The following HS6ST2 variants were observed in gnomAD, a reference collection of about 807,000 sequenced individuals.
The protein encoded by HS6ST2 is heparan-sulfate 6-O-sulfotransferase 2.
In HS6ST2, 17 loss-of-function variants were observed where a neutral mutation model predicts 33.0. That is an observed-to-expected ratio of 0.52 (90% CI 0.35 to 0.77). The LOEUF is 0.77. HS6ST2 is among the 30% of genes least tolerant of loss of function. HS6ST2 has a pLI of 0.01. For missense variants in HS6ST2, 519 were observed against 551.7 expected (o/e 0.94, Z 0.59); for synonymous variants, 248 against 237.1 (o/e 1.05, Z -0.42).
chrX:132,780,381 C>G (rs2065007202), intron 2 of HS6ST2, among the ~76,000 whole-genome samples: 1 of 111,057 alleles, frequency 9.0e-6, no homozygotes, highest in East Asian at 2.8e-4. Flanking sequence ...CGCATAATAG[C>G]TACCATTTAT....
intron 2 of HS6ST2, among the ~76,000 whole-genome samples, chrX:132,896,544 T>C (rs953468005): frequency 9.0e-6 from 1 of 111,032 alleles, no homozygotes; most frequent in Non-Finnish European, 1.9e-5. Flanking sequence ...CAATAATAAC[T>C]TAAATGCACA....
chrX:132,841,618 T>A (rs773223887), intron 2 of HS6ST2, among the ~76,000 whole-genome samples: 1 of 111,711 alleles, frequency 9.0e-6, no homozygotes, highest in Non-Finnish European at 1.9e-5. Flanking sequence ...TGAGCTACCA[T>A]ATAAAATGGG....
chrX:132,842,729 G>T (rs770752667), intron 2 of HS6ST2, among the ~76,000 whole-genome samples: 26 of 111,583 alleles, frequency 2.3e-4, no homozygotes, highest in African/African-American at 7.8e-4. Context: ...ATAGATCCTG[G>T]TGACTCTATT....
In HS6ST2 at chrX:132,653,205, G is replaced by C. The variant is rs141099300; in HGVS notation, c.1067+15908C>G. On this transcript the variant is annotated intron_variant, in intron 4 of 4. Transcript: ENST00000370833. ...TATTAGGGGAAAACTCCACTTTTCT[G>C]CTTTCTGCAAAGCAGCTCTAGGTTT... Among the ~76,000 whole-genome samples the C allele has an allele frequency of 3.9e-3, 430 of 111,524 alleles. 4 individuals carry two copies. The highest frequency in any genetic ancestry group is 0.013 in the African/African-American group (409 of 30,731).
At chrX:132,828,691 T>TACAC (rs2065552086) in intron 2 of HS6ST2, among the ~76,000 whole-genome samples, 1 of 56,328 alleles carries the variant, frequency 1.8e-5, no homozygotes, top group African/African-American at 8.2e-5. Context: ...TATATATATA[T>TACAC]ATACACACAC....
At chrX:132,630,301 C>T (rs1315713755) in intron 4 of HS6ST2, among the ~76,000 whole-genome samples, 2 of 112,319 alleles carry the variant, frequency 1.8e-5, no homozygotes, top group Non-Finnish European at 3.8e-5. Flanking sequence ...TATTCATTCC[C>T]ATCTGAGGGA....
chrX:132,810,913 G>A (rs961269200), intron 2 of HS6ST2, among the ~76,000 whole-genome samples: 1 of 112,385 alleles, frequency 8.9e-6, no homozygotes, highest in African/African-American at 3.2e-5. Context: ...TGGCCCAGAT[G>A]AGCAGAACCA....
At position 132,957,043 on chromosome X, in the gene HS6ST2, C is replaced by G. The variant is rs867456785; in HGVS notation, c.712G>C (p.Gly238Arg). 1.7e-6 allele frequency: 2 copies of G among 1,210,505 alleles called. No homozygotes were observed. The highest frequency in any genetic ancestry group is 2.2e-6 in the Non-Finnish European group (2 of 895,241). ...LIVFLHIQKTGGTTFGRHLVR... is the reference protein window; with the variant it reads ...LIVFLHIQKTRGTTFGRHLVR... ...AAGTGGCGGCCGAAAGTGGTGCCCC[C>G]GGTCTTCTGGATGTGCAGGAACACG... Residue 238 changes from glycine (G) to arginine (R), a missense_variant, in exon 2 of 5, where the codon GGG becomes CGG. Coordinates refer to ENST00000370833, the MANE Select transcript of HS6ST2 (RefSeq NM_001394073.1).
At chrX:132,914,271 T>C (rs1241953318) in intron 2 of HS6ST2, among the ~76,000 whole-genome samples, 1 of 112,343 alleles carries the variant, frequency 8.9e-6, no homozygotes, top group Non-Finnish European at 1.9e-5. Context: ...ATCATCATTT[T>C]ATTAAACCCA....
At chrX:132,656,460 ATTT>A (rs1375836675) in intron 4 of HS6ST2, among the ~76,000 whole-genome samples, 1 of 110,576 alleles carries the variant, frequency 9.0e-6, no homozygotes, top group Non-Finnish European at 1.9e-5. Flanking sequence ...TTATTTATTT[ATTT>A]TTATTTCAAT....
chrX:132,672,726 G>A (rs1388131612), intron 3 of HS6ST2, among the ~76,000 whole-genome samples: 1 of 112,177 alleles, frequency 8.9e-6, no homozygotes, highest in African/African-American at 3.2e-5. Context: ...CTACAAAAGT[G>A]AAAAAACAAT....
chrX:132,895,413 T>C, intron 2 of HS6ST2, among the ~76,000 whole-genome samples: 1 of 111,688 alleles, frequency 9.0e-6, no homozygotes, highest in East Asian at 2.8e-4. Flanking sequence ...TAAAATGTCA[T>C]GTATACTTCT....
chrX:132,726,706 C>T (rs2064395344), intron 2 of HS6ST2, among the ~76,000 whole-genome samples: 1 of 112,049 alleles, frequency 8.9e-6, no homozygotes, highest in Admixed American at 9.4e-5. Flanking sequence ...CATCTACTTT[C>T]CATCTCAGTG....
chrX:132,633,672 C>T (rs776638337), intron 4 of HS6ST2, among the ~76,000 whole-genome samples: 17 of 111,349 alleles, frequency 1.5e-4, no homozygotes, highest in Non-Finnish European at 3.2e-4. Context: ...TGGTAATTTC[C>T]AGACCATCAT....
intron 2 of HS6ST2, among the ~76,000 whole-genome samples, chrX:132,774,475 G>A (rs777982645): frequency 3.8e-4 from 43 of 111,968 alleles, no homozygotes; most frequent in African/African-American, 1.3e-3. Context: ...CATGCAGAGA[G>A]ACCTTATCTA....
intron 2 of HS6ST2, among the ~76,000 whole-genome samples, chrX:132,790,915 G>A (rs887629035): frequency 7.0e-4 from 78 of 111,593 alleles, no homozygotes; most frequent in Non-Finnish European, 1.4e-3. Context: ...GCCGGGGTGG[G>A]AAAATGACTT....
chrX:132,822,161 GA>G (rs1248058308), intron 2 of HS6ST2, among the ~76,000 whole-genome samples: 2 of 111,744 alleles, frequency 1.8e-5, no homozygotes, highest in African/African-American at 6.5e-5. Context: ...GCCCAAGTCA[GA>G]AAGTTAATAA....
At chrX:132,784,841 C>T (rs1232109012) in intron 2 of HS6ST2, among the ~76,000 whole-genome samples, 1 of 111,759 alleles carries the variant, frequency 8.9e-6, no homozygotes, top group African/African-American at 3.3e-5. Context: ...AAAGAAATGA[C>T]CAGATGGTAT....
intron 2 of HS6ST2, among the ~76,000 whole-genome samples, chrX:132,913,109 C>G (rs2066549984): frequency 9.0e-6 from 1 of 111,403 alleles, no homozygotes; most frequent in Non-Finnish European, 1.9e-5. Flanking sequence ...AGTCCCCTCT[C>G]TACTGAGAGC....
Sources: allele counts gnomAD v4.1 joint callset (sites outside exome capture counted in the v4.1 genomes callset), GRCh38; gene constraint gnomAD v4.1.1; transcripts MANE v1.5; gene names NCBI Gene and HGNC (gene_info 2026-07-23, HGNC 2026-07-21).